Variants in AMPH observed in about 807,000 individuals in gnomAD.
The protein encoded by AMPH is amphiphysin.
In AMPH, 49 loss-of-function variants were observed where a neutral mutation model predicts 99.1. That is an observed-to-expected ratio of 0.49 (90% CI 0.39 to 0.63). The LOEUF (loss-of-function observed/expected upper bound fraction) is 0.63. Ranked by LOEUF, AMPH falls within the 20% of genes least tolerant of loss-of-function variation. The pLI, the probability that AMPH is intolerant of heterozygous loss-of-function variation, is 0.00. For missense variants in AMPH, 759 were observed against 863.4 expected (o/e 0.88, Z 1.52); for synonymous variants, 314 against 317.3 (o/e 0.99, Z 0.11).
intron 1 of AMPH, among the ~76,000 whole-genome samples, chr7:38,604,749 C>T (rs772527181): frequency 1.3e-5 from 2 of 152,240 alleles, no homozygotes; most frequent in Non-Finnish European, 2.9e-5. Flanking sequence ...CCTCTTCAAT[C>T]TCCCCTCTGC....
chr7:38,490,239 A>G (rs574258375), intron 5 of AMPH, among the ~76,000 whole-genome samples: 133 of 152,306 alleles, frequency 8.7e-4, no homozygotes, highest in African/African-American at 3.1e-3. Context: ...CATTTGCCCA[A>G]CTACTTAGTA....
At chr7:38,625,420 A>G (rs1794210489) in intron 1 of AMPH, among the ~76,000 whole-genome samples, 1 of 152,242 alleles carries the variant, frequency 6.6e-6, no homozygotes. Context: ...CAAGGCAATT[A>G]TTAACTCCAG....
intron 1 of AMPH, 25 bp from the exon 2 acceptor site, chr7:38,535,036 G>A (rs1381453837): frequency 6.3e-7 from 1 of 1,588,714 alleles, no homozygotes; most frequent in African/African-American, 1.3e-5. Context: ...AAACAAAATG[G>A]TTTAATTTAA....
intron 17 of AMPH, among the ~76,000 whole-genome samples, chr7:38,397,610 T>C (rs1784707721): frequency 6.6e-6 from 1 of 152,210 alleles, no homozygotes; most frequent in African/African-American, 2.4e-5. Flanking sequence ...GGGTAAAGAT[T>C]TCTTGAGTAA....
intron 11 of AMPH, among the ~76,000 whole-genome samples, chr7:38,455,141 A>G (rs1166155913): frequency 6.6e-6 from 1 of 151,366 alleles, no homozygotes; most frequent in Non-Finnish European, 1.5e-5. Flanking sequence ...GTGCAACGGC[A>G]CAATCTTGGT....
chr7:38,497,499 A>T (rs1228615149), intron 3 of AMPH, among the ~76,000 whole-genome samples: 1 of 152,190 alleles, frequency 6.6e-6, no homozygotes, highest in Non-Finnish European at 1.5e-5. Context: ...TTGCAGCCAA[A>T]TTTGTGAGCT....
chr7:38,603,171 C>T (rs2129062071), intron 1 of AMPH, among the ~76,000 whole-genome samples: 1 of 152,136 alleles, frequency 6.6e-6, no homozygotes, highest in Non-Finnish European at 1.5e-5. Flanking sequence ...CAAAAATTAG[C>T]TGGGCATGGT....
chr7:38,421,668 A>G (rs1785584985), intron 16 of AMPH, among the ~76,000 whole-genome samples: 1 of 152,232 alleles, frequency 6.6e-6, no homozygotes, highest in Non-Finnish European at 1.5e-5. Context: ...GAAAGGCAGG[A>G]GCTAGGATAA....
Position 38,506,639 on chromosome 7 carries a change from A to C in AMPH, c.151-2935T>G, listed in dbSNP as rs556370147. Among the ~76,000 whole-genome samples, 6 of 152,356 alleles carry C rather than the reference A, an allele frequency of 3.9e-5. No individual in the cohort carries two copies. The South Asian group carries it at 1.2e-3, about 32-fold the overall frequency. On this transcript the variant is annotated intron_variant, in intron 2 of 20. Transcript: ENST00000356264. Reference sequence around the variant, plus strand: ...ATTTCTCAAACTAGATAATTGTAGAATCTGGGGGCATTTAGTGGTTTGTCT... The same window carrying C: ...ATTTCTCAAACTAGATAATTGTAGACTCTGGGGGCATTTAGTGGTTTGTCT...
At chr7:38,389,703 C>T in intron 20 of AMPH, 101 bp downstream of exon 20, 1 of 921,852 alleles carries the variant, frequency 1.1e-6, no homozygotes, top group African/African-American at 1.6e-5. Flanking sequence ...TGGCTTGTAG[C>T]ATCTCAGAAA....
chr7:38,513,915 C>T (rs889143865), intron 2 of AMPH, among the ~76,000 whole-genome samples: 2 of 152,174 alleles, frequency 1.3e-5, no homozygotes, highest in Non-Finnish European at 2.9e-5. Flanking sequence ...CATATTTCTG[C>T]CTTCTTAAGA....
Position 38,394,023 on chromosome 7 carries a change from G to C in AMPH, c.1590C>G (p.Leu530=), listed in dbSNP as rs201328417. Reference sequence around the variant, plus strand: ...CACTCACCTGAGGCACTGTTGCTTCGAGCTCCTCTGCTTCAGGTTGGGCAC... The same window carrying C: ...CACTCACCTGAGGCACTGTTGCTTCCAGCTCCTCTGCTTCAGGTTGGGCAC... The part of the protein sequence containing the change: ...AESAQPEAEE[L]EATVPQEKVI... The change falls in exon 18 of 21, where the codon CTC becomes CTG. Residue 530 remains leucine (L), a synonymous_variant. Coordinates refer to ENST00000356264, the MANE Select transcript of AMPH (RefSeq NM_001635.4). 6.2e-7 allele frequency: 1 copy of C among 1,614,170 alleles called. No individual in the cohort carries two copies. Among genetic ancestry groups the C allele is most frequent in the East Asian group, 2.2e-5 (1 of 44,880 alleles).
intron 1 of AMPH, among the ~76,000 whole-genome samples, chr7:38,603,166 A>G (rs1248264812): frequency 1.3e-5 from 2 of 152,050 alleles, no homozygotes; most frequent in African/African-American, 4.8e-5. Flanking sequence ...AAATACAAAA[A>G]TTAGCTGGGC....
intron 1 of AMPH, among the ~76,000 whole-genome samples, chr7:38,550,650 T>C (rs752649908): frequency 2.4e-4 from 36 of 152,180 alleles, no homozygotes; most frequent in Non-Finnish European, 1.8e-4. Flanking sequence ...ACCTGGATAG[T>C]GTGTATTGTA....
At chr7:38,469,217 C>A (rs1468780968) in intron 7 of AMPH, among the ~76,000 whole-genome samples, 1 of 148,744 alleles carries the variant, frequency 6.7e-6, no homozygotes, top group Non-Finnish European at 1.5e-5. Flanking sequence ...TACCAGCATA[C>A]CAGGCTCTTG....
At chr7:38,419,645 C>T (rs1785515740) in intron 16 of AMPH, among the ~76,000 whole-genome samples, 1 of 152,084 alleles carries the variant, frequency 6.6e-6, no homozygotes, top group Non-Finnish European at 1.5e-5. Context: ...AATGATCTTA[C>T]CATTTGGGAA....
chr7:38,437,639 A>AAAAAAAAAAAAAAAAAAAG (rs765494380), intron 11 of AMPH, among the ~76,000 whole-genome samples: 1 of 96,738 alleles, frequency 1.0e-5, no homozygotes, highest in Non-Finnish European at 1.9e-5. Flanking sequence ...AAAAAAAAAA[A>AAAAAAAAAAAAAAAAAAAG]AAAAGAAAAG....
Position 38,631,331 on chromosome 7 carries a change from G to A in AMPH, c.21C>T (p.Gly7=), listed in dbSNP as rs1249048988. 1.6e-5 allele frequency: 25 copies of A among 1,548,840 alleles called. No homozygotes were observed. Among genetic ancestry groups the A allele is most frequent in the Non-Finnish European group, 1.9e-5 (22 of 1,147,466 alleles). Residue 7 remains glycine, a synonymous_variant, in exon 1 of 21, where the codon GGC becomes GGT. Transcript: ENST00000356264. ...GCTTCTGGACGTTCTTGGCGAAGAT[G>A]CCCGTCTTGATGTCGGCCATGGCTG... MADIKT[G]IFAKNVQKRL... is the part of the protein sequence containing the mutation.
chr7:38,539,220 G>A (rs1437164207), intron 1 of AMPH, among the ~76,000 whole-genome samples: 1 of 152,172 alleles, frequency 6.6e-6, no homozygotes. Context: ...CCCTGAAAGT[G>A]TCCACTGGAT....
Sources: gnomAD v4.1 joint callset for allele counts (sites outside exome capture counted in the v4.1 genomes callset) on GRCh38, gnomAD v4.1.1 for gene constraint, MANE v1.5 for transcripts, NCBI Gene and HGNC (gene_info 2026-07-23, HGNC 2026-07-21) for gene names.